ZMYND8: variants seen among roughly 807,000 people sequenced by gnomAD.
The protein encoded by ZMYND8 is zinc finger MYND-type containing 8.
Under a neutral mutation model 140.8 loss-of-function variants are expected in ZMYND8, and 37 were observed. The ratio of observed to expected loss-of-function variants is 0.26; its 90% CI spans 0.20 to 0.35. The LOEUF is 0.35. Among genes scored for constraint, ZMYND8 ranks in the 10% least tolerant of loss-of-function variants. ZMYND8 has a pLI of 1.00. For missense variants in ZMYND8, 1,068 were observed against 1,570.0 expected, an observed-to-expected ratio of 0.68 and a Z score of 5.40; for synonymous variants, 592 against 597.1, an observed-to-expected ratio of 0.99 and a Z score of 0.12.
chr20:47,268,580 A>G (rs1485849529), intron 11 of ZMYND8, among the ~76,000 whole-genome samples: 1 of 150,710 alleles, frequency 6.6e-6, no homozygotes, highest in Non-Finnish European at 1.5e-5. Flanking sequence ...GGTGTGAGCC[A>G]CTGTGCCCGG....
chr20:47,347,618 T>G (rs1295742724), intron 2 of ZMYND8, among the ~76,000 whole-genome samples: 1 of 152,106 alleles, frequency 6.6e-6, no homozygotes, highest in Non-Finnish European at 1.5e-5. Flanking sequence ...CCCTCAGTCA[T>G]GACACACAGG....
At position 47,287,268 on chromosome 20, in the gene ZMYND8, C is replaced by A. The variant is rs139817127; in HGVS notation, c.765G>T (p.Thr255=). 17 of 1,613,506 alleles carry A rather than the reference C, an allele frequency of 1.1e-5. No homozygotes were observed. Among genetic ancestry groups the A allele is most frequent in the Non-Finnish European group, 2.5e-6 (3 of 1,179,622 alleles). Residue 255 remains threonine (T), a synonymous_variant, in exon 8 of 23, where the codon ACG becomes ACT. Coordinates refer to ENST00000471951, the MANE Select transcript of ZMYND8 (RefSeq NM_001281775.3). ...TTTTGATGACTACTTTCGCTATTTG[C>A]GTCAATTTGTGATTTCCTAAGGGAA... The part of the protein sequence containing the change: ...IIYNGGNHKL[T]QIAKVVIKIC...
intron 17 of ZMYND8, among the ~76,000 whole-genome samples, chr20:47,228,994 ATT>A (rs3092476): frequency 2.0e-5 from 3 of 146,986 alleles, no homozygotes; most frequent in South Asian, 2.1e-4. Flanking sequence ...AGATAGCTTA[ATT>A]TTTTTTTTTT....
In ZMYND8 at chr20:47,227,234, C is replaced by A. The variant is rs2037836311; in HGVS notation, c.2985G>T (p.Gln995His). 1 of 1,614,198 alleles carries A rather than the reference C, an allele frequency of 6.2e-7. No individual in the cohort carries two copies. ...TGTGTTTCATTTCGGAGAGCTCTTG[C>A]TGGTGCAGCCACTGGAGCTTCTCTA... ...IEIEKLQWLH[Q>H]QELSEMKHNL... Residue 995 changes from glutamine to histidine, a missense_variant, in exon 18 of 23, where the codon CAG (glutamine) becomes CAT (histidine). By Grantham distance (24) the Gln-to-His change is conservative. Coordinates refer to ENST00000471951, the MANE Select transcript of ZMYND8 (RefSeq NM_001281775.3).
At chr20:47,214,177 G>C (rs555533605) in intron 21 of ZMYND8, among the ~76,000 whole-genome samples, 1 of 152,356 alleles carries the variant, frequency 6.6e-6, no homozygotes, top group African/African-American at 2.4e-5. Flanking sequence ...CAGAAAGCAA[G>C]TGCTGGCAGA....
chr20:47,280,466 C>T (rs1319282162), intron 10 of ZMYND8, among the ~76,000 whole-genome samples: 2 of 152,204 alleles, frequency 1.3e-5, no homozygotes, highest in East Asian at 1.9e-4. Context: ...CCAACTCACA[C>T]GCCGTCCTTC....
chr20:47,242,526 A>G (rs566934234), intron 14 of ZMYND8, among the ~76,000 whole-genome samples: 10 of 152,306 alleles, frequency 6.6e-5, no homozygotes, highest in African/African-American at 2.2e-4. Context: ...AGTGCCTTCA[A>G]TGCCTTCCTT....
chr20:47,299,855 T>C (rs974197186), intron 3 of ZMYND8, among the ~76,000 whole-genome samples: 15 of 152,236 alleles, frequency 9.9e-5, no homozygotes, highest in African/African-American at 3.6e-4. Flanking sequence ...GTGCTGGGAT[T>C]ACAGGCGTGA....
chr20:47,249,169 A>C (rs1601246148), intron 13 of ZMYND8, 118 bp downstream of exon 13: 2 of 1,243,582 alleles, frequency 1.6e-6, no homozygotes, highest in East Asian at 4.9e-5. Flanking sequence ...AATAGTTGAA[A>C]GTTAAAGCAG....
chr20:47,274,794 C>T (rs969062974), intron 11 of ZMYND8, among the ~76,000 whole-genome samples: 3 of 152,114 alleles, frequency 2.0e-5, no homozygotes, highest in East Asian at 1.9e-4. Context: ...ATCTGGGGAG[C>T]AGCTAGAAGC....
chr20:47,311,154 C>A (rs1210543336), intron 2 of ZMYND8, among the ~76,000 whole-genome samples: 1 of 152,212 alleles, frequency 6.6e-6, no homozygotes, highest in Non-Finnish European at 1.5e-5. Flanking sequence ...AAAGAACACA[C>A]CCCACCCACC....
chr20:47,355,349 C>G, intron 1 of ZMYND8: 2 of 677,018 alleles, frequency 3.0e-6, no homozygotes, highest in Non-Finnish European at 3.6e-6. Context: ...GCTAATGAAG[C>G]CCCCAACTCC....
chr20:47,230,429 T>A (rs1434696606), intron 16 of ZMYND8, among the ~76,000 whole-genome samples: 1 of 152,068 alleles, frequency 6.6e-6, no homozygotes, highest in Admixed American at 6.6e-5. Context: ...TAGTTGGGAT[T>A]ACAAGCGCAC....
At chr20:47,356,601 C>T in intron 1 of ZMYND8, 56 bp downstream of exon 1, 10 of 1,613,810 alleles carry the variant, frequency 6.2e-6, no homozygotes, top group Non-Finnish European at 8.5e-6. Context: ...TGCTCGCCCA[C>T]AATTCGGATG....
chr20:47,290,317 C>G, intron 6 of ZMYND8, 43 bp from the exon 7 acceptor site: 1 of 1,565,376 alleles, frequency 6.4e-7, no homozygotes. Flanking sequence ...TGAGTCTAGA[C>G]AAGCCACAGT....
At chr20:47,338,164 T>C (rs1203633449) in intron 2 of ZMYND8, among the ~76,000 whole-genome samples, 7 of 152,046 alleles carry the variant, frequency 4.6e-5, no homozygotes, top group Admixed American at 4.6e-4. Flanking sequence ...CGTTGGTGGG[T>C]CCAGGTGTCC....
At chr20:47,271,237 T>G (rs2075925568) in intron 11 of ZMYND8, among the ~76,000 whole-genome samples, 1 of 152,190 alleles carries the variant, frequency 6.6e-6, no homozygotes, top group Non-Finnish European at 1.5e-5. Flanking sequence ...TAGCCGTGTG[T>G]AACACTTATG....
intron 10 of ZMYND8, 56 bp from the exon 11 acceptor site, chr20:47,276,851 G>T: frequency 2.1e-6 from 3 of 1,454,190 alleles, no homozygotes; most frequent in South Asian, 1.5e-5. Context: ...TTCCAAGATT[G>T]CTTTTTTCTT....
intron 10 of ZMYND8, among the ~76,000 whole-genome samples, chr20:47,277,199 C>T (rs2076307707): frequency 6.6e-6 from 1 of 152,198 alleles, no homozygotes; most frequent in Non-Finnish European, 1.5e-5. Flanking sequence ...GAAATAGGAA[C>T]AGAAGGAAAC....
Sources: allele counts gnomAD v4.1 joint callset (sites outside exome capture counted in the v4.1 genomes callset), GRCh38; gene constraint gnomAD v4.1.1; transcripts MANE v1.5; gene names NCBI Gene and HGNC (gene_info 2026-07-23, HGNC 2026-07-21).